The following RBMS1 variants were observed in gnomAD, a reference collection of about 807,000 sequenced individuals.
RBMS1 encodes the protein RNA-binding motif, single-stranded-interacting protein 1.
RBMS1 carries 17 observed loss-of-function variants against 62.3 expected under a neutral mutation model. That is an observed-to-expected ratio of 0.27 (90% CI 0.19 to 0.41). The LOEUF (loss-of-function observed/expected upper bound fraction) is 0.41. Among genes scored for constraint, RBMS1 ranks in the 10% least tolerant of loss-of-function variants. The probability of loss-of-function intolerance (pLI) is 1.00; values close to 1 mark genes in which losing one functional copy is unlikely to be tolerated. For missense variants in RBMS1, 334 were observed against 504.5 expected, an observed-to-expected ratio of 0.66 and a Z score of 3.24; for synonymous variants, 172 against 170.0, an observed-to-expected ratio of 1.01 and a Z score of -0.09.
At chr2:160,362,550 C>T (rs772800393) in intron 2 of RBMS1, among the ~76,000 whole-genome samples, 4 of 152,242 alleles carry the variant, frequency 2.6e-5, no homozygotes, top group Non-Finnish European at 4.4e-5. Flanking sequence ...ACACACATAA[C>T]ATTTATTGAT....
At chr2:160,382,050 C>T (rs1694308905) in intron 1 of RBMS1, among the ~76,000 whole-genome samples, 1 of 152,186 alleles carries the variant, frequency 6.6e-6, no homozygotes, top group African/African-American at 2.4e-5. Flanking sequence ...CCAGGCCCTG[C>T]CTAGTAATCC....
intron 1 of RBMS1, among the ~76,000 whole-genome samples, chr2:160,440,306 C>T (rs1025317761): frequency 2.0e-5 from 3 of 152,138 alleles, no homozygotes; most frequent in African/African-American, 7.2e-5. Context: ...CAGGACCCAA[C>T]ATCCCTGGCC....
At chr2:160,334,419 A>G (rs1691454821) in intron 2 of RBMS1, among the ~76,000 whole-genome samples, 1 of 152,236 alleles carries the variant, frequency 6.6e-6, no homozygotes, top group Non-Finnish European at 1.5e-5. Context: ...GCCTGCGGCA[A>G]CCTGGCAAAG....
At chr2:160,453,255 T>C (rs1379149774) in intron 1 of RBMS1, among the ~76,000 whole-genome samples, 2 of 151,760 alleles carry the variant, frequency 1.3e-5, no homozygotes, top group Non-Finnish European at 2.9e-5. Context: ...CAAAAGGTTG[T>C]GGTGCTTCCA....
intron 5 of RBMS1, among the ~76,000 whole-genome samples, chr2:160,302,313 G>A (rs1341229662): frequency 6.6e-6 from 1 of 151,634 alleles, no homozygotes; most frequent in African/African-American, 2.4e-5. Flanking sequence ...TTCTGCCTCA[G>A]CTTCCCCTGC....
intron 1 of RBMS1, among the ~76,000 whole-genome samples, chr2:160,394,208 AG>A (rs1405636445): frequency 6.6e-6 from 1 of 152,206 alleles, no homozygotes; most frequent in South Asian, 2.1e-4. Context: ...ATTATAACAA[AG>A]GATGATCAAG....
intron 1 of RBMS1, among the ~76,000 whole-genome samples, chr2:160,406,453 T>A (rs1223992579): frequency 1.3e-5 from 2 of 152,224 alleles, no homozygotes. Context: ...TTCGCTTGCA[T>A]CCTTTTTGGG....
At chr2:160,428,627 G>A (rs763426804) in intron 1 of RBMS1, among the ~76,000 whole-genome samples, 35 of 152,120 alleles carry the variant, frequency 2.3e-4, no homozygotes, top group Non-Finnish European at 4.6e-4. Context: ...AGGATAGGTT[G>A]GATCGGCTTC....
intron 2 of RBMS1, among the ~76,000 whole-genome samples, chr2:160,346,379 G>A (rs763764773): frequency 4.6e-5 from 7 of 152,064 alleles, no homozygotes; most frequent in Non-Finnish European, 8.8e-5. Context: ...TTTCAGAAGA[G>A]TGGCCTGCTT....
chr2:160,344,465 CT>C (rs1241966498), intron 2 of RBMS1, among the ~76,000 whole-genome samples: 1 of 152,036 alleles, frequency 6.6e-6, no homozygotes, highest in African/African-American at 2.4e-5. Context: ...CTTCATTTTT[CT>C]TTTGTTTTTT....
chr2:160,409,355 G>A (rs1042175160), intron 1 of RBMS1, among the ~76,000 whole-genome samples: 1 of 150,638 alleles, frequency 6.6e-6, no homozygotes. Context: ...GAACTTGCCA[G>A]ACAAAATTTA....
chr2:160,275,558 C>T, intron 13 of RBMS1, 72 bp downstream of exon 13: 1 of 1,548,240 alleles, frequency 6.5e-7, no homozygotes, highest in South Asian at 1.2e-5. Context: ...AATCACCATT[C>T]TGATTTTAAA....
At chr2:160,391,543 T>C (rs902508880) in intron 1 of RBMS1, among the ~76,000 whole-genome samples, 2 of 152,154 alleles carry the variant, frequency 1.3e-5, no homozygotes, top group Non-Finnish European at 2.9e-5. Flanking sequence ...TGTTGACTAG[T>C]AAAACACACA....
intron 2 of RBMS1, among the ~76,000 whole-genome samples, chr2:160,347,084 G>GA (rs761463131): frequency 1.8e-4 from 28 of 152,096 alleles, no homozygotes; most frequent in Non-Finnish European, 3.7e-4. Context: ...TGTAAGAAAT[G>GA]AATATCAGAA....
chr2:160,489,242 C>G (rs1685725621), intron 1 of RBMS1, among the ~76,000 whole-genome samples: 1 of 152,136 alleles, frequency 6.6e-6, no homozygotes, highest in South Asian at 2.1e-4. Context: ...CTTTCAATAC[C>G]ACTTCCAGAT....
At chr2:160,385,126 C>G (rs1489052425) in intron 1 of RBMS1, among the ~76,000 whole-genome samples, 1 of 152,216 alleles carries the variant, frequency 6.6e-6, no homozygotes, top group Non-Finnish European at 1.5e-5. Context: ...CCTGCAGAAC[C>G]ATGTGCCAAT....
intron 1 of RBMS1, among the ~76,000 whole-genome samples, chr2:160,454,208 G>A (rs1408547556): frequency 6.6e-6 from 1 of 152,232 alleles, no homozygotes; most frequent in Admixed American, 6.5e-5. Context: ...ATGAGAGGTA[G>A]ACTGTTTAAA....
At chr2:160,491,057 T>C (rs533369264) in intron 1 of RBMS1, among the ~76,000 whole-genome samples, 51 of 152,202 alleles carry the variant, frequency 3.4e-4, no homozygotes, top group Admixed American at 6.5e-4. Context: ...AGTCTTTTTT[T>C]TTTTAAATGA....
At chr2:160,330,120 T>A (rs932046125) in intron 2 of RBMS1, among the ~76,000 whole-genome samples, 24 of 152,224 alleles carry the variant, frequency 1.6e-4, no homozygotes, top group Admixed American at 1.4e-3. Context: ...GGTGAGAAAA[T>A]CAGGGCTGCT....
Sources: gnomAD v4.1 joint callset for allele counts (sites outside exome capture counted in the v4.1 genomes callset) on GRCh38, gnomAD v4.1.1 for gene constraint, MANE v1.5 for transcripts, NCBI Gene and HGNC (gene_info 2026-07-23, HGNC 2026-07-21) for gene names.